Variants in CDH18 observed in about 807,000 individuals in gnomAD.
The protein encoded by CDH18 is cadherin 18, also known as cadherin-18.
A neutral mutation model predicts 67.9 loss-of-function variants in CDH18; 31 were observed. The ratio of observed to expected loss-of-function variants is 0.46; its 90% CI spans 0.34 to 0.62. The LOEUF (loss-of-function observed/expected upper bound fraction) is 0.62. Among genes scored for constraint, CDH18 ranks in the 20% least tolerant of loss-of-function variants. The probability of loss-of-function intolerance (pLI) is 0.01; values close to 1 mark genes in which losing one functional copy is unlikely to be tolerated. For synonymous variants in CDH18, 362 were observed against 347.2 expected, an observed-to-expected ratio of 1.04 and a Z score of -0.48; for missense variants, 890 against 975.5, an observed-to-expected ratio of 0.91 and a Z score of 1.17.
intron 2 of CDH18, among the ~76,000 whole-genome samples, chr5:20,037,674 T>C (rs1003082345): frequency 3.3e-5 from 5 of 152,082 alleles, no homozygotes; most frequent in Non-Finnish European, 5.9e-5. Context: ...AGACACAACA[T>C]ACCAGAATCT....
At chr5:20,389,766 C>A (rs1744671579) in intron 1 of CDH18, among the ~76,000 whole-genome samples, 1 of 152,140 alleles carries the variant, frequency 6.6e-6, no homozygotes, top group Non-Finnish European at 1.5e-5. Flanking sequence ...AACAAAACAG[C>A]ATGGTACTGG....
intron 1 of CDH18, among the ~76,000 whole-genome samples, chr5:20,328,499 G>T (rs1738829330): frequency 6.6e-6 from 1 of 150,434 alleles, no homozygotes; most frequent in Non-Finnish European, 1.5e-5. Context: ...GTGTGTGTGT[G>T]TGTGTGTGTG....
intron 5 of CDH18, among the ~76,000 whole-genome samples, chr5:19,698,238 AG>A (rs1246923416): frequency 6.6e-6 from 1 of 152,180 alleles, no homozygotes; most frequent in African/African-American, 2.4e-5. Context: ...AAGATATGGA[AG>A]TTTTTTTAAA....
intron 5 of CDH18, among the ~76,000 whole-genome samples, chr5:19,714,901 T>C (rs1043673175): frequency 6.6e-6 from 1 of 152,068 alleles, no homozygotes; most frequent in African/African-American, 2.4e-5. Flanking sequence ...GTTATTATTA[T>C]TATCAATAGG....
At chr5:20,494,715 T>C (rs1753808015) in intron 1 of CDH18, among the ~76,000 whole-genome samples, 1 of 151,964 alleles carries the variant, frequency 6.6e-6, no homozygotes, top group Non-Finnish European at 1.5e-5. Flanking sequence ...TAACCCAGAG[T>C]CTCATTTCTT....
chr5:20,355,996 T>C (rs941376693), intron 1 of CDH18, among the ~76,000 whole-genome samples: 1 of 152,246 alleles, frequency 6.6e-6, no homozygotes, highest in Admixed American at 6.5e-5. Context: ...ATATACTTTA[T>C]TTACAATATC....
chr5:19,712,646 T>C (rs1238254492), intron 5 of CDH18, among the ~76,000 whole-genome samples: 2 of 19,224 alleles, frequency 1.0e-4, no homozygotes, highest in Non-Finnish European at 3.0e-4. Context: ...AATTTATATA[T>C]ATATATATAT....
chr5:19,990,293 T>C (rs184320288), upstream of CDH18, among the ~76,000 whole-genome samples: 2 of 152,336 alleles, frequency 1.3e-5, no homozygotes, highest in African/African-American at 4.8e-5. Flanking sequence ...CTGCCTCTAG[T>C]TGAATGAAAT....
intron 1 of CDH18, among the ~76,000 whole-genome samples, chr5:20,385,151 T>C: frequency 6.6e-6 from 1 of 152,266 alleles, no homozygotes; most frequent in East Asian, 1.9e-4. Flanking sequence ...TAGGTTTTCT[T>C]ATATGTAATT....
At chr5:20,121,269 G>A (rs1748329034) in intron 2 of CDH18, among the ~76,000 whole-genome samples, 2 of 152,142 alleles carry the variant, frequency 1.3e-5, no homozygotes, top group South Asian at 4.1e-4. Context: ...TAATTTGTAA[G>A]TTACTTTGAA....
chr5:19,758,440 T>C (rs1056692396), intron 3 of CDH18, among the ~76,000 whole-genome samples: 1 of 152,212 alleles, frequency 6.6e-6, no homozygotes. Flanking sequence ...ACAACATCCC[T>C]GTCTGCCACT....
intron 10 of CDH18, among the ~76,000 whole-genome samples, chr5:19,518,150 A>G (rs1043841554): frequency 1.8e-4 from 28 of 152,192 alleles, no homozygotes; most frequent in African/African-American, 6.7e-4. Context: ...AGTGCATAGA[A>G]AAATATTTAA....
chr5:20,221,353 G>A (rs1473429645), intron 2 of CDH18, among the ~76,000 whole-genome samples: 2 of 152,094 alleles, frequency 1.3e-5, no homozygotes, highest in Middle Eastern at 3.2e-3. Context: ...AGTGAAATAA[G>A]CCTGGCACAG....
chr5:19,738,546 A>G lies in CDH18; in HGVS notation c.523+8396T>C, dbSNP rs1768661006. 3.9e-5 allele frequency among the ~76,000 whole-genome samples: 6 copies of G among 152,290 alleles called. No individual in the cohort carries two copies. The South Asian group carries it at 1.2e-3, about 32-fold the overall frequency. ...ATGAAAGTCATTCTTTGGCTATCATATTTTTTAAAACATGATGTACCAATT... is the reference window on the plus strand; with the variant it reads ...ATGAAAGTCATTCTTTGGCTATCATGTTTTTTAAAACATGATGTACCAATT... On this transcript the variant is annotated intron_variant, in intron 4 of 12. Coordinates refer to ENST00000382275, the MANE Select transcript of CDH18 (RefSeq NM_004934.5).
At chr5:20,343,593 A>G (rs183659040) in intron 1 of CDH18, among the ~76,000 whole-genome samples, 7 of 152,272 alleles carry the variant, frequency 4.6e-5, no homozygotes, top group African/African-American at 1.4e-4. Flanking sequence ...GAGTCCATAA[A>G]GCAGGATATA....
chr5:19,677,958 TA>T (rs1378742454), intron 5 of CDH18, among the ~76,000 whole-genome samples: 1 of 151,874 alleles, frequency 6.6e-6, no homozygotes, highest in Non-Finnish European at 1.5e-5. Flanking sequence ...ATATATGTTA[TA>T]TATATAAAAC....
chr5:19,567,496 T>C (rs1454548271), intron 8 of CDH18, among the ~76,000 whole-genome samples: 1 of 152,202 alleles, frequency 6.6e-6, no homozygotes, highest in Non-Finnish European at 1.5e-5. Flanking sequence ...GTACATCTTT[T>C]CAATGTGCTT....
rs1737892986 is a variant in CDH18 at position 19,473,445 on chromosome 5, T to C, written c.2154A>G (p.Gln718=). The C allele has an allele frequency of 3.7e-6, 6 of 1,613,846 alleles. No individual in the cohort carries two copies. The East Asian group carries it at 1.3e-4, about 36-fold the overall frequency. Residue 718 remains glutamine (Q), a synonymous_variant, in exon 13 of 13, where the codon CAA becomes CAG. Coordinates refer to ENST00000382275, the MANE Select transcript of CDH18 (RefSeq NM_004934.5). The part of the protein sequence containing the change: ...ESIDVQEFIK[Q]RLAEADLDPS... ...GGTCTAGGTCTGCTTCTGCCAGTCT[T>C]TGCTTAATAAATTCCTGAACATCTA...
At chr5:19,971,691 C>T (rs1798031497) in intron 2 of CDH18, among the ~76,000 whole-genome samples, 1 of 151,632 alleles carries the variant, frequency 6.6e-6, no homozygotes, top group Non-Finnish European at 1.5e-5. Flanking sequence ...GGGACCTTTC[C>T]GAAGGTGGAG....
Sources: gnomAD v4.1 joint callset for allele counts (sites outside exome capture counted in the v4.1 genomes callset) on GRCh38, gnomAD v4.1.1 for gene constraint, MANE v1.5 for transcripts, NCBI Gene and HGNC (gene_info 2026-07-23, HGNC 2026-07-21) for gene names.